OXCT1: variants seen among roughly 807,000 people sequenced by gnomAD.
OXCT1 encodes 3-oxoacid CoA-transferase 1, also known as succinyl-CoA:3-ketoacid coenzyme A transferase 1, mitochondrial.
OXCT1 carries 27 observed loss-of-function variants against 69.6 expected under a neutral mutation model. The observed-to-expected ratio is 0.39, with a 90% confidence interval of 0.29 to 0.54. The LOEUF is 0.54. Among genes scored for constraint, OXCT1 ranks in the 20% least tolerant of loss-of-function variants. The probability of loss-of-function intolerance (pLI) is 0.72; values close to 1 mark genes in which losing one functional copy is unlikely to be tolerated. For synonymous variants in OXCT1, 202 were observed against 217.8 expected, an observed-to-expected ratio of 0.93 and a Z score of 0.64; for missense variants, 437 against 650.2, an observed-to-expected ratio of 0.67 and a Z score of 3.57.
chr5:41,792,966 C>G (rs911484203), intron 13 of OXCT1, among the ~76,000 whole-genome samples: 2 of 152,156 alleles, frequency 1.3e-5, no homozygotes, highest in Non-Finnish European at 2.9e-5. Context: ...CTGAGGTATT[C>G]TAATACACCA....
At chr5:41,743,834 T>C (rs1165638578) in intron 15 of OXCT1, among the ~76,000 whole-genome samples, 1 of 152,218 alleles carries the variant, frequency 6.6e-6, no homozygotes, top group Non-Finnish European at 1.5e-5. Context: ...GTTCCATTGG[T>C]CTATATCTCT....
intron 3 of OXCT1, among the ~76,000 whole-genome samples, chr5:41,857,831 T>A (rs1025030234): frequency 6.6e-6 from 1 of 152,232 alleles, no homozygotes; most frequent in African/African-American, 2.4e-5. Context: ...TTTGATATCA[T>A]CTACAGCCCA....
chr5:41,751,477 T>C (rs2112057378), intron 14 of OXCT1, among the ~76,000 whole-genome samples: 1 of 152,248 alleles, frequency 6.6e-6, no homozygotes, highest in Middle Eastern at 3.4e-3. Flanking sequence ...AGTGGTTAAG[T>C]GCATGGGCTA....
At chr5:41,752,320 A>G (rs544332066) in intron 14 of OXCT1, among the ~76,000 whole-genome samples, 3 of 152,254 alleles carry the variant, frequency 2.0e-5, no homozygotes, top group Non-Finnish European at 4.4e-5. Context: ...CTGAAACTGC[A>G]ATAAACTAGG....
chr5:41,737,043 G>C (rs1179623669), intron 16 of OXCT1, among the ~76,000 whole-genome samples: 1 of 152,102 alleles, frequency 6.6e-6, no homozygotes, highest in Non-Finnish European at 1.5e-5. Flanking sequence ...TTATTAATTA[G>C]GGCACTCCAG....
chr5:41,803,350 A>G (rs1008873300), intron 9 of OXCT1, among the ~76,000 whole-genome samples, 187 bp from the exon 10 acceptor site: 1 of 152,068 alleles, frequency 6.6e-6, no homozygotes, highest in East Asian at 1.9e-4. Context: ...AAAGTCTCTA[A>G]TTAGTCAGCT....
At position 41,775,121 on chromosome 5, in the gene OXCT1, A is replaced by T. The variant is rs568972398; in HGVS notation, c.1249-12921T>A. ...CATCAAATATGTGGGGTTTTTCCTT[A>T]CACCACCCAATTCTGTAACCAGCTG... is the stretch of plus-strand genomic sequence containing the variant. On this transcript the variant is annotated intron_variant, in intron 13 of 16. Coordinates refer to ENST00000196371, the MANE Select transcript of OXCT1 (RefSeq NM_000436.4). Among the ~76,000 whole-genome samples the T allele has an allele frequency of 5.9e-5, 9 of 152,190 alleles. No individual in the cohort carries two copies. The South Asian group carries it at 1.9e-3, about 32-fold the overall frequency.
At chr5:41,752,117 A>G (rs1179538392) in intron 14 of OXCT1, among the ~76,000 whole-genome samples, 1 of 152,144 alleles carries the variant, frequency 6.6e-6, no homozygotes, top group Non-Finnish European at 1.5e-5. Context: ...AGCATTTAAA[A>G]ATAAATCCTA....
chr5:41,860,319 T>C (rs568002541), intron 3 of OXCT1, among the ~76,000 whole-genome samples: 134 of 152,216 alleles, frequency 8.8e-4, no homozygotes, highest in African/African-American at 3.0e-3. Flanking sequence ...AATATACATA[T>C]ATATCAAAGA....
intron 11 of OXCT1, 140 bp downstream of exon 11, chr5:41,800,882 C>T: frequency 1.3e-6 from 1 of 765,098 alleles, no homozygotes; most frequent in Non-Finnish European, 2.3e-6. Flanking sequence ...GAGGGGAGAC[C>T]TCAAAAAAGC....
chr5:41,794,877 T>A, intron 11 of OXCT1, 128 bp from the exon 12 acceptor site: 1 of 930,988 alleles, frequency 1.1e-6, no homozygotes, highest in Non-Finnish European at 1.7e-6. Context: ...TGCAGTGACA[T>A]AGCAGGTGGG....
At chr5:41,834,143 CA>C (rs201987045) in intron 7 of OXCT1, among the ~76,000 whole-genome samples, 3 of 149,878 alleles carry the variant, frequency 2.0e-5, no homozygotes, top group Admixed American at 6.6e-5. Context: ...ACATCAAATA[CA>C]AAAAAAACTA....
intron 9 of OXCT1, among the ~76,000 whole-genome samples, chr5:41,803,543 A>C (rs1746520627): frequency 6.6e-6 from 1 of 152,066 alleles, no homozygotes; most frequent in Admixed American, 6.6e-5. Context: ...ACTCCTGCCA[A>C]AAGTAAAGAT....
intron 1 of OXCT1, among the ~76,000 whole-genome samples, chr5:41,866,024 C>CA (rs1358493947): frequency 2.2e-5 from 2 of 91,686 alleles, no homozygotes; most frequent in Non-Finnish European, 3.7e-5. Flanking sequence ...TACAGTAGAC[C>CA]CCCCCCCCCA....
At chr5:41,732,561 T>C (rs1043738600) in intron 16 of OXCT1, among the ~76,000 whole-genome samples, 2 of 152,168 alleles carry the variant, frequency 1.3e-5, no homozygotes, top group Non-Finnish European at 2.9e-5. Flanking sequence ...ATGGCAAATA[T>C]TGATTGGGTT....
At chr5:41,735,204 C>T (rs1225023365) in intron 16 of OXCT1, among the ~76,000 whole-genome samples, 2 of 152,066 alleles carry the variant, frequency 1.3e-5, no homozygotes, top group Non-Finnish European at 2.9e-5. Context: ...AAATGTCTAC[C>T]AACAGATGAG....
chr5:41,782,269 C>A (rs1745445127), intron 13 of OXCT1, among the ~76,000 whole-genome samples: 1 of 150,850 alleles, frequency 6.6e-6, no homozygotes, highest in African/African-American at 2.4e-5. Flanking sequence ...GGCTGGAGTG[C>A]AGTGGTGTGA....
chr5:41,801,198 T>C, intron 10 of OXCT1, 128 bp from the exon 11 acceptor site: 3 of 755,600 alleles, frequency 4.0e-6, no homozygotes, highest in Non-Finnish European at 6.9e-6. Flanking sequence ...AGGTAAACTT[T>C]TGAAAAATAA....
chr5:41,786,948 A>G (rs1745665858), intron 13 of OXCT1, among the ~76,000 whole-genome samples: 1 of 152,236 alleles, frequency 6.6e-6, no homozygotes, highest in Non-Finnish European at 1.5e-5. Context: ...CTCCAAAACA[A>G]GAGAGAAAAT....
Sources: allele counts gnomAD v4.1 joint callset (sites outside exome capture counted in the v4.1 genomes callset), GRCh38; gene constraint gnomAD v4.1.1; transcripts MANE v1.5; gene names NCBI Gene and HGNC (gene_info 2026-07-23, HGNC 2026-07-21).